KCNK13: variants seen among roughly 807,000 people sequenced by gnomAD.
KCNK13 encodes potassium channel subfamily K member 13.
In KCNK13, 12 loss-of-function variants were observed where a neutral mutation model predicts 23.4. That is an observed-to-expected ratio of 0.51 (90% CI 0.33 to 0.83). KCNK13 has a LOEUF of 0.83. KCNK13 is among the 40% of genes least tolerant of loss of function. The pLI is 0.02. For synonymous variants in KCNK13, 231 were observed against 229.5 expected, an observed-to-expected ratio of 1.01 and a Z score of -0.06; for missense variants, 463 against 556.3, an observed-to-expected ratio of 0.83 and a Z score of 1.69.
intron 1 of KCNK13, among the ~76,000 whole-genome samples, chr14:90,122,425 C>G (rs959933095): frequency 2.0e-5 from 3 of 151,788 alleles, no homozygotes; most frequent in Non-Finnish European, 4.4e-5. Flanking sequence ...TCAAGCGATT[C>G]TCCTGCCTCA....
At chr14:90,131,868 G>T (rs1024933498) in intron 1 of KCNK13, among the ~76,000 whole-genome samples, 11 of 152,238 alleles carry the variant, frequency 7.2e-5, no homozygotes, top group Admixed American at 3.9e-4. Flanking sequence ...ACAGAAAACA[G>T]TATGGTGGGT....
rs977621683 is a variant in KCNK13, at chr14:90,077,111, A to G, written c.334+14572A>G. Among the ~76,000 whole-genome samples, 23 of 104,568 alleles carry G rather than the reference A, an allele frequency of 2.2e-4. No homozygotes were observed. The East Asian group carries it at 3.9e-3, about 18-fold the overall frequency. 68.6% of individuals were successfully genotyped at this position (104,568 alleles called of 152,430 possible). Reference sequence around the variant, plus strand: ...TGGGATTACAGGCATGAGCCACCGCACCTGGCTTTTTTTTTTTTTTTTTTT... The same window carrying G: ...TGGGATTACAGGCATGAGCCACCGCGCCTGGCTTTTTTTTTTTTTTTTTTT... On this transcript the variant is annotated intron_variant, in intron 1 of 1. Transcript: ENST00000282146.
chr14:90,164,396 G>T (rs1890280991), intron 1 of KCNK13, among the ~76,000 whole-genome samples: 1 of 152,176 alleles, frequency 6.6e-6, no homozygotes, highest in Admixed American at 6.5e-5. Flanking sequence ...TGCCTAGAAG[G>T]CGCCTCTAAA....
chr14:90,078,206 A>G (rs943939481), intron 1 of KCNK13, among the ~76,000 whole-genome samples: 1 of 152,124 alleles, frequency 6.6e-6, no homozygotes, highest in Admixed American at 6.6e-5. Flanking sequence ...AGATCACCTA[A>G]GTCAGGAGTT....
chr14:90,143,946 G>A (rs1393727449), intron 1 of KCNK13, among the ~76,000 whole-genome samples: 4 of 152,198 alleles, frequency 2.6e-5, no homozygotes, highest in African/African-American at 9.7e-5. Context: ...ACTAAGTTAG[G>A]TTGCAGTTTG....
intron 1 of KCNK13, among the ~76,000 whole-genome samples, chr14:90,166,471 T>C (rs903282376): frequency 3.3e-5 from 5 of 152,188 alleles, no homozygotes; most frequent in Non-Finnish European, 7.4e-5. Context: ...TTTGGGGTGC[T>C]AAGGCGGGCA....
intron 1 of KCNK13, among the ~76,000 whole-genome samples, chr14:90,074,409 C>T (rs1413289953): frequency 1.3e-5 from 2 of 152,216 alleles, no homozygotes; most frequent in Non-Finnish European, 2.9e-5. Flanking sequence ...CAAATACACT[C>T]ACTTTGACCA....
Position 90,062,645 on chromosome 14 carries a change from G to C in KCNK13, c.334+106G>C. 1.2e-6 allele frequency: 1 copy of C among 853,274 alleles called. No homozygotes were observed. Among genetic ancestry groups the C allele is most frequent in the South Asian group, 2.1e-5 (1 of 48,052 alleles). 52.9% of individuals were successfully genotyped at this position (853,274 alleles called of 1,614,324 possible). On this transcript the variant is annotated intron_variant, in intron 1 of 1. Coordinates refer to ENST00000282146, the MANE Select transcript of KCNK13 (RefSeq NM_022054.4). This position sits in a 1 kb window ranked among gnomAD's most constrained non-coding sequence, Gnocchi z 4.5. ...TTTCATTCATCCATCTGGGCGCCCA[G>C]CCAGACTCCACTGACATGAGCTGTC... is the stretch of plus-strand genomic sequence containing the variant.
chr14:90,119,342 A>C (rs370712838), intron 1 of KCNK13, among the ~76,000 whole-genome samples: 6 of 152,196 alleles, frequency 3.9e-5, no homozygotes, highest in African/African-American at 1.4e-4. Flanking sequence ...TGCAACAAAA[A>C]AAGAAAACTT....
rs149660774 is a variant in KCNK13 at position 90,183,384 on chromosome 14, T to A, written c.335-727T>A. Among the ~76,000 whole-genome samples the A allele has an allele frequency of 4.6e-3, 701 of 152,314 alleles. 5 individuals are homozygous for A. The highest frequency in any genetic ancestry group is 0.016 in the African/African-American group (663 of 41,584). Reference sequence around the variant, plus strand: ...GTGCTTTGGGAGGCTGCTGTTTCTCTGCCTGGAACATCCCGACTTCTCCAT... The same window carrying A: ...GTGCTTTGGGAGGCTGCTGTTTCTCAGCCTGGAACATCCCGACTTCTCCAT... On this transcript the variant is annotated intron_variant, in intron 1 of 1. Coordinates refer to ENST00000282146, the MANE Select transcript of KCNK13 (RefSeq NM_022054.4).
At position 90,184,611 on chromosome 14, in the gene KCNK13, A is replaced by G. The variant is rs148891620; in HGVS notation, c.835A>G (p.Ile279Val). The change falls in exon 2 of 2, where the codon ATC (isoleucine) becomes GTC (valine). Residue 279 changes from isoleucine (I) to valine (V), a missense_variant. Physicochemically the swap from Ile to Val is conservative, Grantham distance 29. This residue lies in a region of KCNK13 where 166 missense variants were observed against 178.8 expected (regional missense o/e 0.93). Transcript: ENST00000282146. This position sits in a 1 kb window ranked among gnomAD's most constrained non-coding sequence, Gnocchi z 5.6. The stretch of plus-strand genomic sequence containing the variant: ...CTGCATCTACTCCTTGTTCAATGTC[A>G]TCTCTATCCTCATCAAACAGTCCTT... ...VCCIYSLFNV[I>V]SILIKQSLNW... 4 of 1,614,058 alleles carry G rather than the reference A, an allele frequency of 2.5e-6. No individual in the cohort carries two copies. The highest frequency in any genetic ancestry group is 1.3e-5 in the African/African-American group (1 of 74,922).
At chr14:90,164,375 T>G (rs1428004985) in intron 1 of KCNK13, among the ~76,000 whole-genome samples, 1 of 152,228 alleles carries the variant, frequency 6.6e-6, no homozygotes, top group Non-Finnish European at 1.5e-5. Context: ...GAACAGTGAT[T>G]CATTTAGCTA....
At chr14:90,137,986 G>A (rs953594298) in intron 1 of KCNK13, among the ~76,000 whole-genome samples, 5 of 152,080 alleles carry the variant, frequency 3.3e-5, no homozygotes, top group Admixed American at 6.5e-5. Context: ...GATATTCTAG[G>A]GCTGATTATT....
intron 1 of KCNK13, among the ~76,000 whole-genome samples, chr14:90,133,693 G>T (rs1889902095): frequency 6.6e-6 from 1 of 151,502 alleles, no homozygotes; most frequent in African/African-American, 2.4e-5. Context: ...TGAGTTCAGA[G>T]CCCACACTTC....
chr14:90,143,827 A>G (rs1286292886), intron 1 of KCNK13, among the ~76,000 whole-genome samples: 1 of 152,210 alleles, frequency 6.6e-6, no homozygotes, highest in Non-Finnish European at 1.5e-5. Flanking sequence ...TGTTTGCCTT[A>G]TTGAACATAA....
At chr14:90,182,625 C>T (rs1890500993) in intron 1 of KCNK13, among the ~76,000 whole-genome samples, 1 of 152,032 alleles carries the variant, frequency 6.6e-6, no homozygotes, top group South Asian at 2.1e-4. Flanking sequence ...AGTTCGAGGC[C>T]AGCCCAGGCA....
chr14:90,154,432 C>G (rs1033174149), intron 1 of KCNK13, among the ~76,000 whole-genome samples: 1 of 152,124 alleles, frequency 6.6e-6, no homozygotes, highest in Non-Finnish European at 1.5e-5. Flanking sequence ...GGTCTTCCAC[C>G]CATAATGCCT....
chr14:90,120,270 A>G (rs1475805585), intron 1 of KCNK13, among the ~76,000 whole-genome samples: 1 of 152,200 alleles, frequency 6.6e-6, no homozygotes, highest in African/African-American at 2.4e-5. Context: ...ACTGCATAGT[A>G]TTCCATACGT....
chr14:90,120,862 C>T (rs1389959175), intron 1 of KCNK13, among the ~76,000 whole-genome samples: 1 of 152,184 alleles, frequency 6.6e-6, no homozygotes, highest in Non-Finnish European at 1.5e-5. Context: ...TCCAAAGTTT[C>T]ATCCGAGACA....
Sources: allele counts gnomAD v4.1 joint callset (sites outside exome capture counted in the v4.1 genomes callset), GRCh38; gene constraint gnomAD v4.1.1; regional missense constraint gnomAD v4.1.1; non-coding constraint Gnocchi (gnomAD v3.1); transcripts MANE v1.5; gene names NCBI Gene and HGNC (gene_info 2026-07-23, HGNC 2026-07-21).